Variants in SLC12A2 observed in about 807,000 individuals in gnomAD.
The protein encoded by SLC12A2 is solute carrier family 12 member 2.
SLC12A2 carries 67 observed loss-of-function variants against 136.3 expected under a neutral mutation model. The observed-to-expected ratio is 0.49, with a 90% CI of 0.40 to 0.60. The LOEUF (loss-of-function observed/expected upper bound fraction) is 0.60, where lower values mean the gene tolerates loss of function less well. Ranked by LOEUF, SLC12A2 falls within the 20% of genes least tolerant of loss-of-function variation. The probability of loss-of-function intolerance (pLI) is 0.00; values close to 1 mark genes in which losing one functional copy is unlikely to be tolerated. For synonymous variants in SLC12A2, 619 were observed against 562.9 expected, an observed-to-expected ratio of 1.10 and a Z score of -1.41; for missense variants, 1,322 against 1,534.7, an observed-to-expected ratio of 0.86 and a Z score of 2.32.
intron 1 of SLC12A2, among the ~76,000 whole-genome samples, chr5:128,104,470 T>C (rs1178940285): frequency 6.6e-6 from 1 of 151,712 alleles, no homozygotes; most frequent in Non-Finnish European, 1.5e-5. Context: ...CTGTCTGTAC[T>C]AAAAATACAA....
chr5:128,107,397 C>G (rs1481195101), intron 1 of SLC12A2, among the ~76,000 whole-genome samples: 1 of 152,156 alleles, frequency 6.6e-6, no homozygotes, highest in Non-Finnish European at 1.5e-5. Context: ...CACCCATCAA[C>G]CTGTCACCTA....
Position 128,123,153 on chromosome 5 carries a change from A to AT in SLC12A2, c.1049-7913dup, listed in dbSNP as rs1371922532. Among the ~76,000 whole-genome samples, 13 of 152,194 alleles carry AT rather than the reference A, an allele frequency of 8.5e-5. No homozygotes were observed. In the East Asian group the frequency reaches 2.3e-3, roughly 27 times the overall value. On this transcript the variant is annotated intron_variant, in intron 4 of 26. Coordinates refer to ENST00000262461, the MANE Select transcript of SLC12A2 (RefSeq NM_001046.3). ...AATTGTTTGCTGCAGAATTAGGGTTATATGTCTTTGCCTCTTGTATCTTAA... is the reference window on the plus strand; with the variant it reads ...AATTGTTTGCTGCAGAATTAGGGTTATTATGTCTTTGCCTCTTGTATCTTAA...
chr5:128,092,271 C>T (rs1185183292), intron 1 of SLC12A2, among the ~76,000 whole-genome samples: 1 of 152,254 alleles, frequency 6.6e-6, no homozygotes, highest in African/African-American at 2.4e-5. Flanking sequence ...TTGGTAAAAG[C>T]CCATTATCAT....
chr5:128,110,268 C>G (rs941295114), intron 1 of SLC12A2: 2 of 812,750 alleles, frequency 2.5e-6, no homozygotes, highest in Non-Finnish European at 2.2e-6. Flanking sequence ...TGTGGCTCCA[C>G]AGATTCCAAG....
chr5:128,108,370 A>G (rs1761023836), intron 1 of SLC12A2, among the ~76,000 whole-genome samples: 1 of 152,238 alleles, frequency 6.6e-6, no homozygotes, highest in South Asian at 2.1e-4. Context: ...TCATGGCAGC[A>G]TTATTCATAA....
At chr5:128,138,192 G>A (rs1762246485) in intron 7 of SLC12A2, among the ~76,000 whole-genome samples, 1 of 152,136 alleles carries the variant, frequency 6.6e-6, no homozygotes, top group African/African-American at 2.4e-5. Flanking sequence ...GCCTGCTTCG[G>A]TCTCCCAACG....
At chr5:128,121,535 G>T (rs571233204) in intron 4 of SLC12A2, among the ~76,000 whole-genome samples, 1 of 152,076 alleles carries the variant, frequency 6.6e-6, no homozygotes, top group South Asian at 2.1e-4. Flanking sequence ...TGTGAGCCAG[G>T]ATGGTCTCGA....
At chr5:128,177,066 G>A (rs1388731547) in intron 20 of SLC12A2, 39 bp from the exon 21 acceptor site, 14 of 1,279,570 alleles carry the variant, frequency 1.1e-5, no homozygotes, top group African/African-American at 1.5e-5. Flanking sequence ...TAATATAAAG[G>A]CAATTAACAT....
In SLC12A2 at chr5:128,141,444, A is replaced by C. The variant is rs146206988; in HGVS notation, c.1622-386A>C. Among the ~76,000 whole-genome samples, 1,379 of 152,302 alleles carry C rather than the reference A, an allele frequency of 9.1e-3. 19 individuals are homozygous for C. The highest frequency in any genetic ancestry group is 0.014 in the Middle Eastern group (4 of 294). ...ATTTTTAGCCACATTCAAGTATAAA[A>C]TATTTGGAGTATAGGAAAACATCAC... On this transcript the variant is annotated intron_variant, in intron 9 of 26. Transcript: ENST00000262461.
chr5:128,105,603 A>G (rs1369612139), intron 1 of SLC12A2, among the ~76,000 whole-genome samples: 3 of 152,208 alleles, frequency 2.0e-5, no homozygotes, highest in Non-Finnish European at 4.4e-5. Context: ...AACTTTGGCA[A>G]GAGTCAGAGT....
At chr5:128,101,817 A>G (rs907301848) in intron 1 of SLC12A2, among the ~76,000 whole-genome samples, 7 of 152,202 alleles carry the variant, frequency 4.6e-5, no homozygotes. Flanking sequence ...TACTGTGAAC[A>G]TTGGTCATTA....
At chr5:128,167,573 GTTTAAT>G (rs1214634694) in intron 17 of SLC12A2, among the ~76,000 whole-genome samples, 182 bp from the exon 18 acceptor site, 1 of 151,914 alleles carries the variant, frequency 6.6e-6, no homozygotes, top group Non-Finnish European at 1.5e-5. Flanking sequence ...TTTTGTGTAT[GTTTAAT>G]TTTAAGTAAT....
At position 128,135,712 on chromosome 5, in the gene SLC12A2, CT is replaced by C; in HGVS notation, c.1316del (p.Leu439TrpfsTer2). On this transcript the variant is annotated frameshift_variant, in exon 7 of 27. Coordinates refer to ENST00000262461, the MANE Select transcript of SLC12A2 (RefSeq NM_001046.3). LOFTEE classifies it high-confidence loss of function. ...MEWEAKAQIV[L>X]LVILLLAIGD... ...TTTAAAATTGCAGGCTCAGATTGTT[CT>C]TTTGGTGATCCTACTTCTTGCTATT... 1 of 1,606,312 alleles carries C rather than the reference CT, an allele frequency of 6.2e-7. No individual in the cohort carries two copies. Among genetic ancestry groups the C allele is most frequent in the Admixed American group, 1.7e-5 (1 of 59,902 alleles).
At position 128,170,434 on chromosome 5, in the gene SLC12A2, T is replaced by C. The variant is rs535310680; in HGVS notation, c.2724-1233T>C. On this transcript the variant is annotated intron_variant, in intron 18 of 26. Transcript: ENST00000262461. The stretch of plus-strand genomic sequence containing the variant: ...GATTTAAAAACAACAAAAGACCTTT[T>C]ATAACCATATATTATATCCTGAACA... 8 of 152,344 alleles carry C rather than the reference T, an allele frequency of 5.3e-5. No homozygotes were observed. In the East Asian group the frequency reaches 1.5e-3, roughly 29 times the overall value. The allele number at this position is 152,344 out of a possible 1,614,324, so 9.4% of individuals were successfully genotyped here.
intron 1 of SLC12A2, among the ~76,000 whole-genome samples, chr5:128,085,731 C>T (rs1490198996): frequency 6.6e-6 from 1 of 152,132 alleles, no homozygotes; most frequent in African/African-American, 2.4e-5. Context: ...AAGTTTAAAT[C>T]CAGTATGTGA....
intron 1 of SLC12A2, among the ~76,000 whole-genome samples, chr5:128,104,672 T>TA (rs1760869294): frequency 1.4e-5 from 2 of 147,668 alleles, no homozygotes; most frequent in South Asian, 4.2e-4. Flanking sequence ...GATATATAGA[T>TA]ATATAGATAT....
intron 15 of SLC12A2, among the ~76,000 whole-genome samples, chr5:128,153,783 A>T (rs2126725871): frequency 6.6e-6 from 1 of 152,298 alleles, no homozygotes; most frequent in East Asian, 1.9e-4. Context: ...CAGTAAGAAA[A>T]GTAATTGTTT....
At position 128,126,966 on chromosome 5, in the gene SLC12A2, A is replaced by ATATAATTTTT; in HGVS notation, c.1049-4100_1049-4099insATAATTTTTT. Among the ~76,000 whole-genome samples the ATATAATTTTT allele has an allele frequency of 2.6e-3, 55 of 21,160 alleles. 7 individuals are homozygous for ATATAATTTTT. The highest frequency in any genetic ancestry group is 0.012 in the African/African-American group (50 of 4,030). 13.9% of individuals were successfully genotyped at this position (21,160 alleles called of 152,430 possible). ...CATATATATATATATATATATATAT[A>ATATAATTTTT]TTTTTTTTTTTTTTTTTTTTTGCAT... On this transcript the variant is annotated intron_variant, in intron 4 of 26. Coordinates refer to ENST00000262461, the MANE Select transcript of SLC12A2 (RefSeq NM_001046.3).
rs1200551511 is a variant in SLC12A2, at chr5:128,084,721, C to T, written c.756+11C>T. ...GACGAGCTGGAAAAGGTGAGCTCGC[C>T]CAGCCCTCCCTTCTTCCCCAGCCCC... On this transcript the variant is annotated intron_variant, in intron 1 of 26. Coordinates refer to ENST00000262461, the MANE Select transcript of SLC12A2 (RefSeq NM_001046.3). This position sits in a 1 kb window ranked among gnomAD's most constrained non-coding sequence, Gnocchi z 5.6. 1.3e-6 allele frequency: 2 copies of T among 1,561,086 alleles called. No individual in the cohort carries two copies. The highest frequency in any genetic ancestry group is 1.7e-6 in the Non-Finnish European group (2 of 1,151,192).
Sources: gnomAD v4.1 joint callset for allele counts (sites outside exome capture counted in the v4.1 genomes callset) on GRCh38, gnomAD v4.1.1 for gene constraint, Gnocchi (gnomAD v3.1) non-coding constraint, MANE v1.5 for transcripts, NCBI Gene and HGNC (gene_info 2026-07-23, HGNC 2026-07-21) for gene names.